The following CAMTA1 variants were observed in gnomAD, a reference collection of about 807,000 sequenced individuals.
CAMTA1 encodes the protein calmodulin binding transcription activator 1, also known as calmodulin-binding transcription activator 1.
Under a neutral mutation model 170.9 loss-of-function variants are expected in CAMTA1, and 27 were observed. The ratio of observed to expected loss-of-function variants is 0.16; its 90% CI spans 0.12 to 0.22. The LOEUF (loss-of-function observed/expected upper bound fraction) is 0.22. CAMTA1 is among the 10% of genes least tolerant of loss of function. CAMTA1 has a pLI of 1.00. For missense variants in CAMTA1, 1,619 were observed against 2,217.2 expected, an observed-to-expected ratio of 0.73 and a Z score of 5.42; for synonymous variants, 833 against 891.5, an observed-to-expected ratio of 0.93 and a Z score of 1.17.
intron 5 of CAMTA1, among the ~76,000 whole-genome samples, chr1:7,303,001 C>G (rs1400551854): frequency 2.0e-5 from 3 of 152,170 alleles, no homozygotes; most frequent in African/African-American, 7.2e-5. Context: ...TGAACAAATT[C>G]TGTAATCTCT....
intron 4 of CAMTA1, among the ~76,000 whole-genome samples, chr1:7,091,709 C>T (rs915497774): frequency 6.6e-6 from 1 of 152,106 alleles, no homozygotes; most frequent in Admixed American, 6.5e-5. Context: ...TCTCTAGAAA[C>T]GTGCTTTGAA....
chr1:7,283,349 C>T (rs1270047914), intron 5 of CAMTA1, among the ~76,000 whole-genome samples: 1 of 152,204 alleles, frequency 6.6e-6, no homozygotes, highest in Non-Finnish European at 1.5e-5. Flanking sequence ...CAGCCCTCCT[C>T]AAGTTTTGGG....
In CAMTA1 at chr1:7,633,873, C is replaced by T. The variant is rs1047225936; in HGVS notation, c.511-6527C>T. On this transcript the variant is annotated intron_variant, in intron 6 of 22. Transcript: ENST00000303635. This position sits in a 1 kb window ranked among gnomAD's most constrained non-coding sequence, Gnocchi z 4.1. ...CAGGCAAGGTGGGCACTGTTGTCAACGGGGTTGCTGAATGAGGTTTCCACA... is the reference window on the plus strand; with the variant it reads ...CAGGCAAGGTGGGCACTGTTGTCAATGGGGTTGCTGAATGAGGTTTCCACA... 2.6e-5 allele frequency among the ~76,000 whole-genome samples: 4 copies of T among 152,222 alleles called. No individual in the cohort carries two copies. The highest frequency in any genetic ancestry group is 4.1e-4 in the South Asian group (2 of 4,834).
In CAMTA1 at chr1:7,732,138, T is replaced by G. The variant is rs1197823339; in HGVS notation, c.2915-310T>G. Among the ~76,000 whole-genome samples the G allele has an allele frequency of 6.6e-6, 1 of 152,134 alleles. No homozygotes were observed. Among genetic ancestry groups the G allele is most frequent in the Non-Finnish European group, 1.5e-5 (1 of 68,020 alleles). On this transcript the variant is annotated intron_variant, in intron 11 of 22. Transcript: ENST00000303635. This position sits in a 1 kb window ranked among gnomAD's most constrained non-coding sequence, Gnocchi z 4.1. ...AGAGGGCTCTCTACCAGATCTCATG[T>G]CAGGGTTTCCGTTGGGGAATTTGAC...
intron 3 of CAMTA1, among the ~76,000 whole-genome samples, chr1:7,029,281 C>T (rs1445074285): frequency 1.3e-5 from 2 of 151,724 alleles, no homozygotes; most frequent in African/African-American, 4.8e-5. Context: ...GCGGGTGGAT[C>T]ACAAGGTCAG....
At chr1:7,318,898 T>C (rs1350281668) in intron 5 of CAMTA1, among the ~76,000 whole-genome samples, 1 of 152,180 alleles carries the variant, frequency 6.6e-6, no homozygotes, top group African/African-American at 2.4e-5. Flanking sequence ...TGGGTGAAGG[T>C]GGACTGCTAG....
intron 6 of CAMTA1, among the ~76,000 whole-genome samples, chr1:7,610,328 C>G (rs2095515497): frequency 6.6e-6 from 1 of 152,228 alleles, no homozygotes; most frequent in Admixed American, 6.5e-5. Flanking sequence ...CAAGTCTGCT[C>G]CATCACCAGG....
chr1:7,348,795 G>A (rs1230527548), intron 5 of CAMTA1, among the ~76,000 whole-genome samples: 2 of 152,192 alleles, frequency 1.3e-5, no homozygotes, highest in Admixed American at 6.5e-5. Flanking sequence ...AAGCATCAAA[G>A]AGAGATGGGG....
intron 4 of CAMTA1, among the ~76,000 whole-genome samples, chr1:7,134,438 C>T (rs966334282): frequency 6.6e-6 from 1 of 152,078 alleles, no homozygotes; most frequent in Admixed American, 6.6e-5. Flanking sequence ...AAACTACAGG[C>T]CTGTGCCACC....
chr1:7,288,200 C>T (rs144391292), intron 5 of CAMTA1, among the ~76,000 whole-genome samples: 71 of 152,336 alleles, frequency 4.7e-4, no homozygotes, highest in Admixed American at 9.2e-4. Context: ...AGCCCACACT[C>T]GTAGCGCTCT....
chr1:7,046,810 G>A (rs1705456764), intron 3 of CAMTA1, among the ~76,000 whole-genome samples: 1 of 152,230 alleles, frequency 6.6e-6, no homozygotes, highest in Non-Finnish European at 1.5e-5. Flanking sequence ...AGTACAGATA[G>A]TAGAGCTTTT....
At chr1:7,232,431 A>G (rs1401487810) in intron 4 of CAMTA1, among the ~76,000 whole-genome samples, 5 of 152,254 alleles carry the variant, frequency 3.3e-5, no homozygotes, top group African/African-American at 1.2e-4. Context: ...TTTGCACCAA[A>G]GGTTTTAAAC....
At chr1:7,072,072 G>A (rs1212234755) in intron 3 of CAMTA1, among the ~76,000 whole-genome samples, 2 of 152,278 alleles carry the variant, frequency 1.3e-5, no homozygotes, top group African/African-American at 2.4e-5. Flanking sequence ...TGGGTACCCC[G>A]CTCTACATGG....
At chr1:7,116,773 G>T (rs1445132207) in intron 4 of CAMTA1, among the ~76,000 whole-genome samples, 4 of 143,324 alleles carry the variant, frequency 2.8e-5, no homozygotes, top group Non-Finnish European at 6.0e-5. Context: ...TCAGCCTCCC[G>T]AGTAGCTGGG....
intron 3 of CAMTA1, among the ~76,000 whole-genome samples, chr1:6,943,978 C>G (rs1687163727): frequency 1.3e-5 from 2 of 151,996 alleles, no homozygotes; most frequent in South Asian, 4.2e-4. Context: ...CAGAACTTTG[C>G]TATCTTCCCA....
chr1:7,320,186 A>G (rs1011230436), intron 5 of CAMTA1, among the ~76,000 whole-genome samples: 2 of 152,148 alleles, frequency 1.3e-5, no homozygotes, highest in African/African-American at 2.4e-5. Flanking sequence ...CTTGCTCTTG[A>G]TCTCAAAAGG....
intron 3 of CAMTA1, among the ~76,000 whole-genome samples, chr1:7,024,556 G>A (rs528257640): frequency 1.3e-5 from 2 of 152,268 alleles, no homozygotes; most frequent in South Asian, 4.2e-4. Flanking sequence ...TGTGATGCTG[G>A]CCTTTAAGAA....
Position 7,421,739 on chromosome 1 carries a change from G to A in CAMTA1, c.439-46091G>A, listed in dbSNP as rs1234937628. 2.0e-5 allele frequency among the ~76,000 whole-genome samples: 3 copies of A among 152,172 alleles called. No homozygotes were observed. In the South Asian group the frequency reaches 6.2e-4, roughly 31 times the overall value. Reference sequence around the variant, plus strand: ...CTCATTGGTGGTACCAGGTGGGTCCGTGATGGAGGATGGGAAGGGAAAGAC... The same window carrying A: ...CTCATTGGTGGTACCAGGTGGGTCCATGATGGAGGATGGGAAGGGAAAGAC... On this transcript the variant is annotated intron_variant, in intron 5 of 22. Coordinates refer to ENST00000303635, the MANE Select transcript of CAMTA1 (RefSeq NM_015215.4).
intron 1 of CAMTA1, among the ~76,000 whole-genome samples, chr1:6,809,552 C>T (rs1644932296): frequency 6.6e-6 from 1 of 151,978 alleles, no homozygotes; most frequent in Non-Finnish European, 1.5e-5. Context: ...TCTGGAGGGG[C>T]AGATGCAGTG....
Sources: allele counts gnomAD v4.1 joint callset (sites outside exome capture counted in the v4.1 genomes callset), GRCh38; gene constraint gnomAD v4.1.1; non-coding constraint Gnocchi (gnomAD v3.1); transcripts MANE v1.5; gene names NCBI Gene and HGNC (gene_info 2026-07-23, HGNC 2026-07-21).